Variants in HS6ST3 observed in about 807,000 individuals in gnomAD.
HS6ST3 encodes the protein heparan sulfate 6-O-sulfotransferase 3.
A neutral mutation model predicts 36.7 loss-of-function variants in HS6ST3; 12 were observed. The observed-to-expected ratio is 0.33, with a 90% CI of 0.21 to 0.53. The LOEUF (loss-of-function observed/expected upper bound fraction) is 0.53. Ranked by LOEUF, HS6ST3 falls within the 20% of genes least tolerant of loss-of-function variation. The pLI, the probability that HS6ST3 is intolerant of heterozygous loss-of-function variation, is 0.95. For missense variants in HS6ST3, 584 were observed against 640.9 expected, an observed-to-expected ratio of 0.91 and a Z score of 0.96; for synonymous variants, 240 against 257.5, an observed-to-expected ratio of 0.93 and a Z score of 0.65.
At position 96,199,374 on chromosome 13, in the gene HS6ST3, ATTACT is replaced by A. The variant is rs778174080; in HGVS notation, c.707+107814_707+107818del. ...TGAGATTTTGTATATATGATATTAG[ATTACT>A]TTACTTTAAAAAGGAGCAACCACAG... is the stretch of plus-strand genomic sequence containing the variant. On this transcript the variant is annotated intron_variant, in intron 1 of 1. Coordinates refer to ENST00000376705, the MANE Select transcript of HS6ST3 (RefSeq NM_153456.4). Among the ~76,000 whole-genome samples, 14 of 152,356 alleles carry A rather than the reference ATTACT, an allele frequency of 9.2e-5. 1 individual carries two copies. The highest frequency in any genetic ancestry group is 3.1e-4 in the African/African-American group (13 of 41,586).
intron 1 of HS6ST3, among the ~76,000 whole-genome samples, chr13:96,381,410 G>GTATCTATGTATC (rs141594405): frequency 4.3e-5 from 6 of 138,578 alleles, no homozygotes; most frequent in Admixed American, 3.0e-4. Flanking sequence ...ATGTATCTAT[G>GTATCTATGTATC]TATCTATCTA....
At chr13:96,132,209 C>T (rs2053979781) in intron 1 of HS6ST3, among the ~76,000 whole-genome samples, 1 of 151,008 alleles carries the variant, frequency 6.6e-6, no homozygotes, top group African/African-American at 2.4e-5. Context: ...TGTTGATAGA[C>T]ATGTGGGTTA....
chr13:96,259,103 T>G (rs562595471), intron 1 of HS6ST3, among the ~76,000 whole-genome samples: 1 of 152,286 alleles, frequency 6.6e-6, no homozygotes, highest in South Asian at 2.1e-4. Flanking sequence ...TGCTGTAAAC[T>G]GCAAGCACTT....
intron 1 of HS6ST3, among the ~76,000 whole-genome samples, chr13:96,735,602 A>G (rs958537197): frequency 3.3e-5 from 5 of 152,186 alleles, no homozygotes; most frequent in Admixed American, 6.5e-5. Context: ...CATTCCTGCA[A>G]TTCAAGAGTT....
chr13:96,383,551 C>A (rs545899346), intron 1 of HS6ST3, among the ~76,000 whole-genome samples: 1 of 152,174 alleles, frequency 6.6e-6, no homozygotes, highest in Non-Finnish European at 1.5e-5. Flanking sequence ...ATGAACCACA[C>A]CTGGTGACAG....
At chr13:96,350,194 T>A (rs940569770) in intron 1 of HS6ST3, among the ~76,000 whole-genome samples, 1 of 152,260 alleles carries the variant, frequency 6.6e-6, no homozygotes, top group African/African-American at 2.4e-5. Context: ...AAATTAGTAT[T>A]GAAATAAATC....
At chr13:96,516,535 C>T (rs761481503) in intron 1 of HS6ST3, among the ~76,000 whole-genome samples, 15 of 152,034 alleles carry the variant, frequency 9.9e-5, no homozygotes, top group East Asian at 3.9e-4. Flanking sequence ...AAACATTGTC[C>T]CTTCCTCATA....
At chr13:96,726,846 C>T (rs572435069) in intron 1 of HS6ST3, among the ~76,000 whole-genome samples, 1 of 151,988 alleles carries the variant, frequency 6.6e-6, no homozygotes, top group African/African-American at 2.4e-5. Context: ...CTGCTGTTAT[C>T]CTTCTCTTTT....
intron 1 of HS6ST3, among the ~76,000 whole-genome samples, chr13:96,674,323 G>C (rs1252853333): frequency 1.3e-5 from 2 of 152,098 alleles, no homozygotes; most frequent in African/African-American, 4.8e-5. Flanking sequence ...GTGGAACCGT[G>C]AGCCAATTAA....
chr13:96,400,937 G>C (rs1271841036), intron 1 of HS6ST3, among the ~76,000 whole-genome samples: 1 of 151,898 alleles, frequency 6.6e-6, no homozygotes, highest in Non-Finnish European at 1.5e-5. Flanking sequence ...AGATAGAAAT[G>C]GACAGTATAA....
chr13:96,382,999 G>T (rs748686249), intron 1 of HS6ST3, among the ~76,000 whole-genome samples: 1 of 152,162 alleles, frequency 6.6e-6, no homozygotes, highest in Non-Finnish European at 1.5e-5. Context: ...AATAGCATAA[G>T]CTTTCTGAAT....
rs535622668 is a variant in HS6ST3, at chr13:96,597,145, A to G, written c.708-235345A>G. Among the ~76,000 whole-genome samples, 5 of 152,222 alleles carry G rather than the reference A, an allele frequency of 3.3e-5. No individual in the cohort carries two copies. The East Asian group carries it at 9.7e-4, about 29-fold the overall frequency. ...TAAATGGGAGCTAAATGATGAGAAT[A>G]CATGGACACAAAGAGGGCAACAACA... On this transcript the variant is annotated intron_variant, in intron 1 of 1. Transcript: ENST00000376705.
chr13:96,638,152 T>TA (rs2056556400), intron 1 of HS6ST3, among the ~76,000 whole-genome samples: 2 of 152,102 alleles, frequency 1.3e-5, no homozygotes, highest in African/African-American at 4.8e-5. Context: ...CATGATGAGT[T>TA]GCTCACACTA....
chr13:96,210,255 C>G (rs2054392255), intron 1 of HS6ST3, among the ~76,000 whole-genome samples: 1 of 152,182 alleles, frequency 6.6e-6, no homozygotes, highest in Non-Finnish European at 1.5e-5. Context: ...ATTTCCATTT[C>G]AAAATATTTT....
intron 1 of HS6ST3, among the ~76,000 whole-genome samples, chr13:96,174,296 A>T (rs2054202463): frequency 6.6e-6 from 1 of 152,120 alleles, no homozygotes; most frequent in South Asian, 2.1e-4. Context: ...TTATATGTTT[A>T]TCCCCTGATT....
chr13:96,595,125 A>G lies in HS6ST3; in HGVS notation c.708-237365A>G, dbSNP rs75547385. 5.0e-3 allele frequency among the ~76,000 whole-genome samples: 763 copies of G among 152,254 alleles called. 44 individuals carry two copies. The East Asian group carries it at 0.12, about 25-fold the overall frequency. On this transcript the variant is annotated intron_variant, in intron 1 of 1. Coordinates refer to ENST00000376705, the MANE Select transcript of HS6ST3 (RefSeq NM_153456.4). ...CAGTGGCACAATCATACCTCACTGCAGCATCAACCTCATGCGCTCAAGTGA... is the reference window on the plus strand; with the variant it reads ...CAGTGGCACAATCATACCTCACTGCGGCATCAACCTCATGCGCTCAAGTGA...
rs565038244 is a variant in HS6ST3 at position 96,350,775 on chromosome 13, G to A, written c.707+259206G>A. Among the ~76,000 whole-genome samples, 9 of 152,282 alleles carry A rather than the reference G, an allele frequency of 5.9e-5. No homozygotes were observed. In the South Asian group the frequency reaches 1.2e-3, roughly 21 times the overall value. ...CCTGCTAGTGTATTTCCTTAGTGCA[G>A]CACAATGAAGAGACAGGGTTTGCAA... On this transcript the variant is annotated intron_variant, in intron 1 of 1. Transcript: ENST00000376705.
At chr13:96,586,944 C>G (rs2056363600) in intron 1 of HS6ST3, among the ~76,000 whole-genome samples, 1 of 152,118 alleles carries the variant, frequency 6.6e-6, no homozygotes. Context: ...ATGAAGTCTT[C>G]AATCCATTTT....
chr13:96,507,551 G>A (rs1253463052), intron 1 of HS6ST3, among the ~76,000 whole-genome samples: 1 of 151,988 alleles, frequency 6.6e-6, no homozygotes, highest in Non-Finnish European at 1.5e-5. Context: ...AACGGGCATA[G>A]ACAGCTTGTT....
Sources: gnomAD v4.1 joint callset for allele counts (sites outside exome capture counted in the v4.1 genomes callset) on GRCh38, gnomAD v4.1.1 for gene constraint, MANE v1.5 for transcripts, NCBI Gene and HGNC (gene_info 2026-07-23, HGNC 2026-07-21) for gene names.